The following RSPH14 variants were observed in gnomAD, a reference collection of about 807,000 sequenced individuals.
The protein encoded by RSPH14 is rhabdoid tumor deletion region gene 1.
A neutral mutation model predicts 26.7 loss-of-function variants in RSPH14; 20 were observed. That is an observed-to-expected ratio of 0.75 (90% CI 0.53 to 1.09). The LOEUF (loss-of-function observed/expected upper bound fraction) is 1.09, where lower values mean the gene tolerates loss of function less well. RSPH14 is among the 50% of genes least tolerant of loss of function. The pLI, the probability that RSPH14 is intolerant of heterozygous loss-of-function variation, is 0.00. For missense variants in RSPH14, 449 were observed against 457.2 expected (o/e 0.98, Z 0.16); for synonymous variants, 177 against 189.3 (o/e 0.93, Z 0.53).
chr22:23,095,280 C>T (rs1034849274), intron 4 of RSPH14: 40 of 197,838 alleles, frequency 2.0e-4, no homozygotes, highest in Middle Eastern at 2.3e-3. Context: ...GAGCCGGAGG[C>T]GGGGGGCTGC....
At chr22:23,096,395 A>C (rs1569173304) in intron 4 of RSPH14, 3 of 1,609,976 alleles carry the variant, frequency 1.9e-6, no homozygotes, top group African/African-American at 1.3e-5. Flanking sequence ...CTACGACCTG[A>C]AACTCTACGA....
the RSPH14 span, chr22:23,156,033 G>T: frequency 6.2e-7 from 1 of 1,611,480 alleles, no homozygotes; most frequent in African/African-American, 1.3e-5. Flanking sequence ...GGTGCCCAGG[G>T]TGAGCAACAT....
chr22:23,173,629 G>GTT, the RSPH14 span, among the ~76,000 whole-genome samples: 6 of 85,486 alleles, frequency 7.0e-5, 1 homozygote, highest in Non-Finnish European at 1.5e-4. Flanking sequence ...TTGGTTTTTT[G>GTT]TTTTTTGTTT....
rs571118871 is a variant in RSPH14 at position 23,114,093 on chromosome 22, CCT to C, written c.421+19931_421+19932del. Reference sequence around the variant, plus strand: ...TCTGTATGAAACCTCTGCCTCGGCCCCTCAGTCAGGGTGCTGCCCTCAGAGCC... The same window carrying C: ...TCTGTATGAAACCTCTGCCTCGGCCCCAGTCAGGGTGCTGCCCTCAGAGCC... On this transcript the variant is annotated intron_variant, in intron 4 of 6. Coordinates refer to ENST00000216036, the MANE Select transcript of RSPH14 (RefSeq NM_014433.3). 2.5e-3 allele frequency among the ~76,000 whole-genome samples: 383 copies of C among 152,320 alleles called. 4 individuals carry two copies. The highest frequency in any genetic ancestry group is 8.9e-3 in the African/African-American group (370 of 41,566).
chr22:23,123,105 T>C, intron 4 of RSPH14: 2 of 1,613,038 alleles, frequency 1.2e-6, no homozygotes, highest in Non-Finnish European at 1.7e-6. Context: ...GGCAGAGAGC[T>C]TGCGCCTCTT....
At chr22:23,067,696 C>G (rs1009207982) in intron 4 of RSPH14, among the ~76,000 whole-genome samples, 10 of 152,350 alleles carry the variant, frequency 6.6e-5, no homozygotes, top group Middle Eastern at 3.4e-3. Flanking sequence ...ACCACCTCCC[C>G]AACTGCTCCT....
chr22:23,175,929 C>G, the RSPH14 span, among the ~76,000 whole-genome samples: 1 of 152,248 alleles, frequency 6.6e-6, no homozygotes, highest in Non-Finnish European at 1.5e-5. Context: ...GGGTCCCCAT[C>G]ATCTCCCTGG....
upstream of RSPH14, chr22:23,145,531 C>T (rs2146470529): frequency 6.2e-7 from 1 of 1,602,570 alleles, no homozygotes; most frequent in South Asian, 1.1e-5. Context: ...CGCGGAGCCC[C>T]AGCTTTCACA....
intron 4 of RSPH14, among the ~76,000 whole-genome samples, chr22:23,098,824 G>C (rs1029957763): frequency 6.6e-6 from 1 of 152,262 alleles, no homozygotes; most frequent in African/African-American, 2.4e-5. Context: ...CTGGCCCCCA[G>C]AGTGGTGCCG....
In RSPH14 at chr22:23,071,582, C is replaced by T. The variant is rs563697547; in HGVS notation, c.422-7449G>A. Among the ~76,000 whole-genome samples the T allele has an allele frequency of 3.1e-4, 47 of 152,310 alleles. No homozygotes were observed. The highest frequency in any genetic ancestry group is 1.1e-3 in the African/African-American group (47 of 41,566). The stretch of plus-strand genomic sequence containing the variant: ...TAAGCAAATATTTATTGAGTGGTCA[C>T]TCCCCCAGAGCTTGACGCTGGGGTG... On this transcript the variant is annotated intron_variant, in intron 4 of 6. Transcript: ENST00000216036. This position sits in a 1 kb window ranked among gnomAD's most constrained non-coding sequence, Gnocchi z 4.1.
In RSPH14 at chr22:23,140,111, T is replaced by C; in HGVS notation, c.199+111A>G. 3 of 1,363,368 alleles carry C rather than the reference T, an allele frequency of 2.2e-6. No individual in the cohort carries two copies. The South Asian group carries it at 3.8e-5, about 17-fold the overall frequency. 84.5% of individuals were successfully genotyped at this position (1,363,368 alleles called of 1,614,324 possible). A position where few individuals can be genotyped will look rare whatever the true frequency, so the allele number is the denominator to read the frequency against. On this transcript the variant is annotated intron_variant, in intron 2 of 6. Transcript: ENST00000216036. ...CCGGGCACCGCACCTATAGTGGAAC[T>C]GGCCTGGAGTCAGGCTCAAACAATA...
the RSPH14 span, among the ~76,000 whole-genome samples, chr22:23,158,399 T>C: frequency 6.6e-6 from 1 of 152,218 alleles, no homozygotes; most frequent in South Asian, 2.1e-4. Flanking sequence ...CTGAAAACTG[T>C]ATAGCCAGTC....
Position 23,063,933 on chromosome 22 carries a change from T to C in RSPH14, c.622A>G (p.Ser208Gly). ...KLLSANQNIR[S>G]KAARALLNVS... ...TTAAGGAGCGCACGGGCGGCCTTGC[T>C]GCGGATGTTCTGGTTGGCGCTGAGG... is the stretch of plus-strand genomic sequence containing the variant. The change falls in exon 5 of 7, where the codon AGC becomes GGC. Residue 208 changes from serine (S) to glycine (G), a missense_variant. Ser to Gly is a moderately conservative substitution (Grantham distance 56, BLOSUM62 0). Transcript: ENST00000216036. 1.2e-6 allele frequency: 2 copies of C among 1,614,176 alleles called. No individual in the cohort carries two copies. Among genetic ancestry groups the C allele is most frequent in the Non-Finnish European group, 1.7e-6 (2 of 1,180,020 alleles).
Position 23,140,205 on chromosome 22 carries a change from T to C in RSPH14, c.199+17A>G, listed in dbSNP as rs1035921430. ...CTAGGACCCCAGTCATGGTCACCTGTGCTGTGTCACGCTCACCTATGTTCA... is the reference window on the plus strand; with the variant it reads ...CTAGGACCCCAGTCATGGTCACCTGCGCTGTGTCACGCTCACCTATGTTCA... On this transcript the variant is annotated intron_variant, in intron 2 of 6. Coordinates refer to ENST00000216036, the MANE Select transcript of RSPH14 (RefSeq NM_014433.3). 2.5e-6 allele frequency: 4 copies of C among 1,612,306 alleles called. No individual in the cohort carries two copies. Among genetic ancestry groups the C allele is most frequent in the Non-Finnish European group, 2.5e-6 (3 of 1,179,990 alleles).
At chr22:23,127,546 GA>G (rs1398238523) in intron 4 of RSPH14, among the ~76,000 whole-genome samples, 1 of 152,202 alleles carries the variant, frequency 6.6e-6, no homozygotes, top group Non-Finnish European at 1.5e-5. Flanking sequence ...TCCATCGAAG[GA>G]AGCTGGGTGT....
chr22:23,148,152 C>T (rs191354664), upstream of RSPH14, among the ~76,000 whole-genome samples: 149 of 152,160 alleles, frequency 9.8e-4, no homozygotes, highest in Non-Finnish European at 2.0e-3. Context: ...GTGGCTCTTC[C>T]TCCTTCCCCC....
At chr22:23,114,374 T>G (rs1006579242) in intron 4 of RSPH14, among the ~76,000 whole-genome samples, 2 of 152,124 alleles carry the variant, frequency 1.3e-5, no homozygotes, top group African/African-American at 4.8e-5. Flanking sequence ...AGGCCCAGGG[T>G]GGGACAGACC....
intron 6 of RSPH14, among the ~76,000 whole-genome samples, chr22:23,061,182 G>A (rs1215458085): frequency 6.6e-6 from 1 of 152,186 alleles, no homozygotes; most frequent in East Asian, 1.9e-4. Context: ...GGAAGCACAG[G>A]GCCCCAGGCT....
intron 1 of RSPH14, 119 bp from the exon 2 acceptor site, chr22:23,140,591 G>A: frequency 4.3e-6 from 5 of 1,153,412 alleles, no homozygotes; most frequent in Non-Finnish European, 5.9e-6. Context: ...TTACAGATGA[G>A]CAAACTGAGG....
Sources: gnomAD v4.1 joint callset for allele counts (sites outside exome capture counted in the v4.1 genomes callset) on GRCh38, gnomAD v4.1.1 for gene constraint, Gnocchi (gnomAD v3.1) non-coding constraint, MANE v1.5 for transcripts, NCBI Gene and HGNC (gene_info 2026-07-23, HGNC 2026-07-21) for gene names.